The following LYRM9 variants were observed in gnomAD, a reference collection of about 807,000 sequenced individuals.
The protein encoded by LYRM9 is LYR motif-containing protein 9.
In LYRM9, 14 loss-of-function variants were observed where a neutral mutation model predicts 12.6. That is an observed-to-expected ratio of 1.11 (90% CI 0.73 to 1.73). LYRM9 has a LOEUF of 1.73. Among genes scored for constraint, LYRM9 ranks in the 40% most tolerant of loss-of-function variants. LYRM9 has a pLI of 0.00. For missense variants in LYRM9, 94 were observed against 95.0 expected (o/e 0.99, Z 0.04); for synonymous variants, 42 against 35.1 (o/e 1.20, Z -0.69).
intron 1 of LYRM9, among the ~76,000 whole-genome samples, chr17:27,887,734 G>C (rs974053228): frequency 6.6e-6 from 1 of 151,648 alleles, no homozygotes; most frequent in African/African-American, 2.4e-5. Flanking sequence ...GTGTGTGTGT[G>C]TGTGTGTGTG....
chr17:27,891,559 C>T (rs989830680), intron 1 of LYRM9, among the ~76,000 whole-genome samples: 1 of 152,162 alleles, frequency 6.6e-6, no homozygotes, highest in Non-Finnish European at 1.5e-5. Flanking sequence ...CTTCACCTGC[C>T]TCAAGAATTC....
chr17:27,888,599 T>C (rs1279021985), intron 1 of LYRM9, among the ~76,000 whole-genome samples: 2 of 152,116 alleles, frequency 1.3e-5, no homozygotes, highest in Non-Finnish European at 2.9e-5. Flanking sequence ...TCCTTTCAAA[T>C]AGTTCAGCAA....
At chr17:27,882,498 T>C (rs1597590353) in intron 2 of LYRM9, 71 bp downstream of exon 2, 4 of 1,457,748 alleles carry the variant, frequency 2.7e-6, no homozygotes, top group South Asian at 1.4e-5. Context: ...TGCCCTGGCC[T>C]TGGCCTCTGA....
At position 27,885,701 on chromosome 17, in the gene LYRM9, C is replaced by CAA. The variant is rs61615628; in HGVS notation, c.-18-2991_-18-2990dup. Among the ~76,000 whole-genome samples the CAA allele has an allele frequency of 6.1e-3, 180 of 29,332 alleles. 7 individuals carry two copies. The highest frequency in any genetic ancestry group is 0.015 in the African/African-American group (140 of 9,072). 19.2% of individuals were successfully genotyped at this position (29,332 alleles called of 152,430 possible). A position where few individuals can be genotyped will look rare whatever the true frequency, so the allele number is the denominator to read the frequency against. On this transcript the variant is annotated intron_variant, in intron 1 of 3. Coordinates refer to ENST00000379102, the MANE Select transcript of LYRM9 (RefSeq NM_001076680.3). The stretch of plus-strand genomic sequence containing the variant: ...GATGACACAAAGTGAAACTCTGTCT[C>CAA]AAAAAAAAAAAAAAAAAAAAAAAAA...
Position 27,886,131 on chromosome 17 carries a change from T to C in LYRM9, c.-18-3419A>G, listed in dbSNP as rs1905225631. 6.6e-6 allele frequency among the ~76,000 whole-genome samples: 1 copy of C among 152,160 alleles called. No individual in the cohort carries two copies. The highest frequency in any genetic ancestry group is 2.1e-4 in the South Asian group (1 of 4,828). On this transcript the variant is annotated intron_variant, in intron 1 of 3. Coordinates refer to ENST00000379102, the MANE Select transcript of LYRM9 (RefSeq NM_001076680.3). This position sits in a 1 kb window ranked among gnomAD's most constrained non-coding sequence, Gnocchi z 4.8. ...TTCCCCAAACTATATAAAGTAGTAATCAAATATTGTAAAATGCTAGTCGCG... is the reference window on the plus strand; with the variant it reads ...TTCCCCAAACTATATAAAGTAGTAACCAAATATTGTAAAATGCTAGTCGCG...
At chr17:27,888,763 C>G (rs1413954194) in intron 1 of LYRM9, among the ~76,000 whole-genome samples, 1 of 152,148 alleles carries the variant, frequency 6.6e-6, no homozygotes, top group Non-Finnish European at 1.5e-5. Context: ...GCTTTAAAAA[C>G]ACACCTGGCA....
At position 27,879,142 on chromosome 17, in the gene LYRM9, G is replaced by C. The variant is rs1904948573; in HGVS notation, c.*331C>G. 2 of 262,378 alleles carry C rather than the reference G, an allele frequency of 7.6e-6. No individual in the cohort carries two copies. Among genetic ancestry groups the C allele is most frequent in the Admixed American group, 5.4e-5 (1 of 18,460 alleles). 16.3% of individuals were successfully genotyped at this position (262,378 alleles called of 1,614,324 possible). ...GAGGGGACATCTGCTCTGGGACTCA[G>C]AGAATGATAAAGAGATCTCCAGAAT... On this transcript the variant is annotated 3_prime_UTR_variant, in exon 4 of 4. Transcript: ENST00000379102.
chr17:27,886,587 C>T lies in LYRM9; in HGVS notation c.-18-3875G>A, dbSNP rs993363988. Among the ~76,000 whole-genome samples, 11 of 152,192 alleles carry T rather than the reference C, an allele frequency of 7.2e-5. No homozygotes were observed. The highest frequency in any genetic ancestry group is 1.9e-4 in the African/African-American group (8 of 41,436). On this transcript the variant is annotated intron_variant, in intron 1 of 3. Transcript: ENST00000379102. This position sits in a 1 kb window ranked among gnomAD's most constrained non-coding sequence, Gnocchi z 4.8. ...GCAACCAAACCAAAATCATCACAGTCAACCCAGGTTCCTCCTTCTCCTCAA... is the reference window on the plus strand; with the variant it reads ...GCAACCAAACCAAAATCATCACAGTTAACCCAGGTTCCTCCTTCTCCTCAA...
At chr17:27,880,783 T>TAATGATA in intron 2 of LYRM9, 5 of 191,520 alleles carry the variant, frequency 2.6e-5, no homozygotes, top group Non-Finnish European at 3.2e-5. Context: ...AGGACTTCTC[T>TAATGATA]CGGCCCAGTG....
intron 1 of LYRM9, among the ~76,000 whole-genome samples, chr17:27,883,908 ATATACT>A (rs919263021): frequency 6.8e-6 from 1 of 147,896 alleles, no homozygotes; most frequent in Non-Finnish European, 1.5e-5. Context: ...AATGAACTTC[ATATACT>A]TAAAGTATAT....
chr17:27,879,954 C>T (rs1904988799), intron 3 of LYRM9: 4 of 617,556 alleles, frequency 6.5e-6, no homozygotes, highest in Non-Finnish European at 8.7e-6. Flanking sequence ...TCTGCGGCAT[C>T]ACAGTGCCAC....
intron 1 of LYRM9, among the ~76,000 whole-genome samples, chr17:27,890,231 A>G (rs1296238821): frequency 6.6e-6 from 1 of 152,128 alleles, no homozygotes; most frequent in Admixed American, 6.5e-5. Context: ...GGACCCCACA[A>G]AGAACTCTGG....
intron 1 of LYRM9, among the ~76,000 whole-genome samples, chr17:27,890,699 C>T (rs1394894850): frequency 5.3e-5 from 8 of 152,104 alleles, no homozygotes; most frequent in South Asian, 2.1e-4. Context: ...TAAAAAAAGA[C>T]GAAAGAATGG....
chr17:27,889,304 CTTTTT>C (rs1156908106), intron 1 of LYRM9, among the ~76,000 whole-genome samples: 4 of 151,118 alleles, frequency 2.6e-5, no homozygotes, highest in Non-Finnish European at 5.9e-5. Context: ...CTCTTTTTTT[CTTTTT>C]TCTTTTTTTT....
intron 1 of LYRM9, among the ~76,000 whole-genome samples, chr17:27,885,214 G>A (rs1036091292): frequency 3.9e-5 from 6 of 152,328 alleles, no homozygotes; most frequent in African/African-American, 1.2e-4. Flanking sequence ...ACACGGGCAC[G>A]TGCCAAAAGC....
Position 27,882,635 on chromosome 17 carries a change from C to G in LYRM9, c.60G>C (p.Leu20Phe). Residue 20 changes from leucine (L) to phenylalanine (F), a missense_variant, in exon 2 of 4, where the codon TTG becomes TTC. Transcript: ENST00000379102. Reference protein sequence around the residue: ...VRRPLQLYRYLLRCCQQLPTK... With the variant: ...VRRPLQLYRYFLRCCQQLPTK... Reference sequence around the variant, plus strand: ...TCGGCAGCTGCTGGCAACAGCGCAGCAAGTATCGGTAGAGCTGCAGTGGCC... The same window carrying G: ...TCGGCAGCTGCTGGCAACAGCGCAGGAAGTATCGGTAGAGCTGCAGTGGCC... 1 of 1,602,220 alleles carries G rather than the reference C, an allele frequency of 6.2e-7. No homozygotes were observed. The highest frequency in any genetic ancestry group is 8.5e-7 in the Non-Finnish European group (1 of 1,174,972).
intron 2 of LYRM9, among the ~76,000 whole-genome samples, chr17:27,881,436 G>T: frequency 6.8e-6 from 1 of 147,054 alleles, no homozygotes; most frequent in African/African-American, 2.5e-5. Context: ...CGCCACCTCT[G>T]ATTTTTTTTT....
At chr17:27,888,970 C>T (rs773142907) in intron 1 of LYRM9, among the ~76,000 whole-genome samples, 1 of 152,204 alleles carries the variant, frequency 6.6e-6, no homozygotes, top group Non-Finnish European at 1.5e-5. Context: ...CCAAGCCCAG[C>T]TTTTCATTAT....
chr17:27,883,304 G>C (rs1284561201), intron 1 of LYRM9: 5 of 260,952 alleles, frequency 1.9e-5, no homozygotes, highest in Middle Eastern at 1.4e-3. Flanking sequence ...AATCTAGGGG[G>C]CTCTGCAGAG....
Sources: allele counts gnomAD v4.1 joint callset (sites outside exome capture counted in the v4.1 genomes callset), GRCh38; gene constraint gnomAD v4.1.1; non-coding constraint Gnocchi (gnomAD v3.1); transcripts MANE v1.5; gene names NCBI Gene and HGNC (gene_info 2026-07-23, HGNC 2026-07-21).